Variants in NBAS observed in about 807,000 individuals in gnomAD.
NBAS encodes NBAS subunit of NRZ tethering complex.
NBAS carries 219 observed loss-of-function variants against 302.5 expected under a neutral mutation model. That is an observed-to-expected ratio of 0.72 (90% CI 0.65 to 0.81). The LOEUF is 0.81. Ranked by LOEUF, NBAS falls within the 30% of genes least tolerant of loss-of-function variation. The pLI is 0.00. For synonymous variants in NBAS, 1,118 were observed against 1,021.6 expected, an observed-to-expected ratio of 1.09 and a Z score of -1.80; for missense variants, 2,932 against 2,841.6, an observed-to-expected ratio of 1.03 and a Z score of -0.72.
the NBAS span, among the ~76,000 whole-genome samples, chr2:15,130,229 C>T: frequency 6.6e-6 from 1 of 152,228 alleles, no homozygotes; most frequent in Non-Finnish European, 1.5e-5. Context: ...ATCAGTATTT[C>T]ATTCATTTCA....
chr2:15,202,966 C>T (rs1665949253), intron 48 of NBAS, among the ~76,000 whole-genome samples: 1 of 152,138 alleles, frequency 6.6e-6, no homozygotes, highest in South Asian at 2.1e-4. Context: ...ATCATTCAGA[C>T]TCAGATTTGA....
the NBAS span, among the ~76,000 whole-genome samples, chr2:14,794,663 T>C: frequency 2.0e-5 from 3 of 152,176 alleles, no homozygotes; most frequent in African/African-American, 4.8e-5. Context: ...TTTTAACGTA[T>C]GTATACTCTT....
At position 15,377,071 on chromosome 2, in the gene NBAS, C is replaced by G. The variant is rs185002976; in HGVS notation, c.3591-2351G>C. Among the ~76,000 whole-genome samples, 27 of 151,986 alleles carry G rather than the reference C, an allele frequency of 1.8e-4. 1 individual carries two copies. The highest frequency in any genetic ancestry group is 1.2e-3 in the Admixed American group (19 of 15,262). On this transcript the variant is annotated intron_variant, in intron 30 of 51. Coordinates refer to ENST00000281513, the MANE Select transcript of NBAS (RefSeq NM_015909.4). Reference sequence around the variant, plus strand: ...AAAGACAGAAATTGTAAAAGAACCACAATTTTAAAAAAATTCTGAATAGCA... The same window carrying G: ...AAAGACAGAAATTGTAAAAGAACCAGAATTTTAAAAAAATTCTGAATAGCA...
chr2:15,361,990 A>C (rs1673952717), intron 32 of NBAS, among the ~76,000 whole-genome samples: 1 of 152,172 alleles, frequency 6.6e-6, no homozygotes, highest in Admixed American at 6.5e-5. Context: ...CAAAAAAAAA[A>C]AAAATTCCAG....
the NBAS span, among the ~76,000 whole-genome samples, chr2:14,828,209 T>A: frequency 6.6e-6 from 1 of 152,180 alleles, no homozygotes; most frequent in Non-Finnish European, 1.5e-5. Context: ...TAAACGTTTT[T>A]AAAAGACAAT....
the NBAS span, among the ~76,000 whole-genome samples, chr2:14,929,597 C>T: frequency 5.3e-5 from 8 of 152,150 alleles, no homozygotes; most frequent in African/African-American, 1.4e-4. Flanking sequence ...AGGCTGGTCT[C>T]GAGCTCCTGA....
the NBAS span, among the ~76,000 whole-genome samples, chr2:14,939,719 C>A: frequency 6.6e-6 from 1 of 152,202 alleles, no homozygotes; most frequent in African/African-American, 2.4e-5. Flanking sequence ...CCTCAATGGG[C>A]TTTATGGAAA....
chr2:15,483,247 T>C (rs1680501424), intron 12 of NBAS: 1 of 292,638 alleles, frequency 3.4e-6, no homozygotes, highest in Non-Finnish European at 7.2e-6. Context: ...CAGTGCCTAT[T>C]CTCAAAGAAC....
At chr2:15,103,013 A>AAGGAAGGAAGGAAGGAAGGG in the NBAS span, among the ~76,000 whole-genome samples, 5 of 138,228 alleles carry the variant, frequency 3.6e-5, no homozygotes, top group African/African-American at 1.3e-4. Context: ...GGAAGGAAGG[A>AAGGAAGGAAGGAAGGAAGGG]AGGAAGGAAG....
At chr2:15,169,717 C>T (rs1671956623) in intron 51 of NBAS, among the ~76,000 whole-genome samples, 1 of 152,194 alleles carries the variant, frequency 6.6e-6, no homozygotes, top group African/African-American at 2.4e-5. Flanking sequence ...CTTCTGTTCA[C>T]CCCTGTATCC....
intron 44 of NBAS, among the ~76,000 whole-genome samples, chr2:15,264,765 G>A (rs1448134630): frequency 6.6e-6 from 1 of 152,118 alleles, no homozygotes; most frequent in Non-Finnish European, 1.5e-5. Context: ...TGGAGCTGGT[G>A]GGACAATTCA....
At chr2:15,449,697 C>T (rs976591827) in intron 21 of NBAS, among the ~76,000 whole-genome samples, 2 of 152,188 alleles carry the variant, frequency 1.3e-5, no homozygotes, top group African/African-American at 2.4e-5. Context: ...CAGATCCTAA[C>T]CCTGTTCCCA....
At position 15,461,255 on chromosome 2, in the gene NBAS, T is replaced by C. The variant is rs1227286849; in HGVS notation, c.2285A>G (p.Asn762Ser). ...LLPHRLAILS[N>S]FPETTSPHEY... The stretch of plus-strand genomic sequence containing the variant: ...ATGTGGAGAAGTGGTCTCTGGAAAG[T>C]TGGACAGAATTGCAAGGCGATGAGG... Residue 762 changes from asparagine to serine, a missense_variant, in exon 21 of 52, where the codon AAC (asparagine) becomes AGC (serine). Transcript: ENST00000281513. 6.2e-7 allele frequency: 1 copy of C among 1,613,740 alleles called. No homozygotes were observed. The highest frequency in any genetic ancestry group is 8.5e-7 in the Non-Finnish European group (1 of 1,179,744).
At chr2:15,125,594 T>G in the NBAS span, among the ~76,000 whole-genome samples, 1 of 152,180 alleles carries the variant, frequency 6.6e-6, no homozygotes, top group African/African-American at 2.4e-5. Context: ...TAATCCTTGC[T>G]CCGGTGTTCC....
chr2:15,045,249 C>T, the NBAS span, among the ~76,000 whole-genome samples: 2 of 152,196 alleles, frequency 1.3e-5, no homozygotes, highest in Non-Finnish European at 2.9e-5. Context: ...AACAGGGCGA[C>T]AGTGAAGAGA....
In NBAS at chr2:15,328,194, C is replaced by G. The variant is rs1362559663; in HGVS notation, c.4461+5G>C. 1 of 1,610,320 alleles carries G rather than the reference C, an allele frequency of 6.2e-7. No homozygotes were observed. The highest frequency in any genetic ancestry group is 1.1e-5 in the South Asian group (1 of 90,998). The stretch of plus-strand genomic sequence containing the variant: ...AATCTATCTTCCTAGACACGCTGTC[C>G]TTACCTCAGCGACAAAAGGATTTGA... On this transcript the variant is annotated splice_donor_5th_base_variant and intron_variant, in intron 37 of 51. Transcript: ENST00000281513.
the NBAS span, among the ~76,000 whole-genome samples, chr2:14,914,829 G>C: frequency 6.6e-6 from 1 of 152,096 alleles, no homozygotes; most frequent in African/African-American, 2.4e-5. Flanking sequence ...GTTTATATTG[G>C]GCACAGGGAG....
At chr2:15,100,992 G>A in the NBAS span, among the ~76,000 whole-genome samples, 1 of 152,184 alleles carries the variant, frequency 6.6e-6, no homozygotes, top group Non-Finnish European at 1.5e-5. Flanking sequence ...CTGACATCAG[G>A]AAGATGGAAA....
chr2:14,812,497 GT>G, the NBAS span, among the ~76,000 whole-genome samples: 1 of 152,098 alleles, frequency 6.6e-6, no homozygotes, highest in Non-Finnish European at 1.5e-5. Context: ...ACATTAACAT[GT>G]TCCATAGTAG....
Sources: allele counts gnomAD v4.1 joint callset (sites outside exome capture counted in the v4.1 genomes callset), GRCh38; gene constraint gnomAD v4.1.1; transcripts MANE v1.5; gene names NCBI Gene and HGNC (gene_info 2026-07-23, HGNC 2026-07-21).